Variants in PRDM5 observed in about 807,000 individuals in gnomAD.
PRDM5 encodes the protein PR/SET domain 5, also known as PR domain zinc finger protein 5.
In PRDM5, 56 loss-of-function variants were observed where a neutral mutation model predicts 81.2. That is an observed-to-expected ratio of 0.69 (90% CI 0.56 to 0.86). PRDM5 has a LOEUF of 0.86. Among genes scored for constraint, PRDM5 ranks in the 40% least tolerant of loss-of-function variants. The pLI, the probability that PRDM5 is intolerant of heterozygous loss-of-function variation, is 0.00. For missense variants in PRDM5, 697 were observed against 770.1 expected (o/e 0.91, Z 1.12); for synonymous variants, 267 against 256.4 (o/e 1.04, Z -0.39).
chr4:120,859,904 CATGGGTGCACACAAACTTGT>C (rs1760373133), intron 2 of PRDM5, among the ~76,000 whole-genome samples: 1 of 152,176 alleles, frequency 6.6e-6, no homozygotes, highest in African/African-American at 2.4e-5. Flanking sequence ...GGGTTATCCT[CATGGGTGCACACAAACTTGT>C]CAAAACCCTC....
chr4:120,717,175 G>A (rs1305262804), intron 14 of PRDM5, among the ~76,000 whole-genome samples: 1 of 152,042 alleles, frequency 6.6e-6, no homozygotes, highest in African/African-American at 2.4e-5. Flanking sequence ...GAATGATTAG[G>A]TTCTTGATTA....
chr4:120,811,496 G>T, intron 7 of PRDM5, 47 bp from the exon 8 acceptor site: 1 of 1,233,198 alleles, frequency 8.1e-7, no homozygotes, highest in East Asian at 2.4e-5. Flanking sequence ...AGACTATTAA[G>T]AGGAAAAACA....
At chr4:120,691,690 A>G (rs1734061370), downstream of PRDM5, among the ~76,000 whole-genome samples, 1 of 152,086 alleles carries the variant, frequency 6.6e-6, no homozygotes, top group Non-Finnish European at 1.5e-5. Flanking sequence ...GAAGAGAGGC[A>G]AGGAAAATAT....
intron 2 of PRDM5, among the ~76,000 whole-genome samples, chr4:120,881,178 T>C (rs1474328827): frequency 6.6e-6 from 1 of 152,218 alleles, no homozygotes; most frequent in African/African-American, 2.4e-5. Flanking sequence ...CAATGTGATA[T>C]TGGTGAGAAA....
intron 10 of PRDM5, 26 bp downstream of exon 10, chr4:120,798,241 A>G (rs754444308): frequency 2.1e-6 from 3 of 1,449,170 alleles, no homozygotes; most frequent in Non-Finnish European, 2.8e-6. Context: ...TTCATAAAAA[A>G]TAATAATAAT....
rs376303907 is a variant in PRDM5 at position 120,696,078 on chromosome 4, C to G, written c.1729-803G>C. On this transcript the variant is annotated intron_variant, in intron 15 of 15. Transcript: ENST00000264808. ...ACAAAACAAAACAAAAAATCCTTGC[C>G]CTCTTTCTTTACGGAGGAAAGAAGA... is the stretch of plus-strand genomic sequence containing the variant. Among the ~76,000 whole-genome samples the G allele has an allele frequency of 1.4e-4, 22 of 151,950 alleles. No homozygotes were observed. In the South Asian group the frequency reaches 2.7e-3, roughly 19 times the overall value.
In PRDM5 at chr4:120,798,271, T is replaced by C; in HGVS notation, c.1184A>G (p.Lys395Arg). ...FAHRNVYKNH[K>R]KTHSEERPFQ... ...AATAATATTAATAAGTTTTACCTTC[T>C]TATGATTCTTGTAAACATTTCTGTG... The change falls in exon 10 of 16, where the codon AAG becomes AGG. Residue 395 changes from lysine (K) to arginine (R), a missense_variant. Coordinates refer to ENST00000264808, the MANE Select transcript of PRDM5 (RefSeq NM_018699.4). 1 of 1,586,850 alleles carries C rather than the reference T, an allele frequency of 6.3e-7. No individual in the cohort carries two copies. The highest frequency in any genetic ancestry group is 8.6e-7 in the Non-Finnish European group (1 of 1,165,086).
At chr4:120,805,137 C>T (rs953319694) in intron 8 of PRDM5, among the ~76,000 whole-genome samples, 2 of 152,136 alleles carry the variant, frequency 1.3e-5, no homozygotes, top group African/African-American at 4.8e-5. Flanking sequence ...TACACCCTCC[C>T]AAGACTAAAG....
intron 2 of PRDM5, among the ~76,000 whole-genome samples, chr4:120,899,013 T>C (rs1347672063): frequency 6.6e-6 from 1 of 152,212 alleles, no homozygotes; most frequent in East Asian, 1.9e-4. Context: ...TAATTCTGTA[T>C]GTTCTCATAA....
chr4:120,883,611 T>C (rs905282578), intron 2 of PRDM5, among the ~76,000 whole-genome samples: 6 of 150,302 alleles, frequency 4.0e-5, no homozygotes, highest in Non-Finnish European at 7.4e-5. Flanking sequence ...AGGGATAGCA[T>C]TAGGAGATAT....
chr4:120,800,409 A>T (rs1567553), intron 8 of PRDM5, among the ~76,000 whole-genome samples: 1 of 151,908 alleles, frequency 6.6e-6, no homozygotes, highest in African/African-American at 2.4e-5. Context: ...CCCAGCTACA[A>T]AGGAGGCTGA....
intron 14 of PRDM5, among the ~76,000 whole-genome samples, chr4:120,742,719 A>T (rs1392088234): frequency 2.6e-5 from 4 of 152,176 alleles, no homozygotes; most frequent in African/African-American, 4.8e-5. Flanking sequence ...CGAGAAGGAA[A>T]GTTTAGAGAA....
At position 120,785,070 on chromosome 4, in the gene PRDM5, A is replaced by G; in HGVS notation, c.1210T>C (p.Phe404Leu). The G allele has an allele frequency of 6.2e-7, 1 of 1,611,504 alleles. No individual in the cohort carries two copies. Among genetic ancestry groups the G allele is most frequent in the Non-Finnish European group, 8.5e-7 (1 of 1,177,922 alleles). ...AAAGCTTTACATTCTTCACATTGGAACGGTCTCTCCTCAGAGTGGGTCTGC... is the reference window on the plus strand; with the variant it reads ...AAAGCTTTACATTCTTCACATTGGAGCGGTCTCTCCTCAGAGTGGGTCTGC... ...HKKTHSEERP[F>L]QCEECKALFR... The change falls in exon 11 of 16, where the codon TTC (phenylalanine) becomes CTC (leucine). Residue 404 changes from phenylalanine to leucine, a missense_variant. By Grantham distance (22) the Phe-to-Leu change is conservative. Transcript: ENST00000264808.
At chr4:120,725,313 C>G (rs1280925387) in intron 14 of PRDM5, among the ~76,000 whole-genome samples, 1 of 140,756 alleles carries the variant, frequency 7.1e-6, no homozygotes, top group African/African-American at 2.6e-5. Context: ...GTTCAATCTT[C>G]TTTCACAAAT....
chr4:120,770,006 C>CTATTTATT (rs573883065), intron 13 of PRDM5, among the ~76,000 whole-genome samples: 1 of 137,768 alleles, frequency 7.3e-6, no homozygotes, highest in Non-Finnish European at 1.6e-5. Flanking sequence ...TAAAATATCC[C>CTATTTATT]TATTTATTTA....
intron 3 of PRDM5, among the ~76,000 whole-genome samples, chr4:120,827,135 G>A (rs907798327): frequency 8.5e-5 from 13 of 152,090 alleles, no homozygotes; most frequent in African/African-American, 9.7e-5. Context: ...TTCGGACAAC[G>A]AATGCATTCT....
At chr4:120,695,406 G>A (rs2148985277) in intron 15 of PRDM5, 131 bp from the exon 16 acceptor site, 1 of 998,190 alleles carries the variant, frequency 1.0e-6, no homozygotes, top group Non-Finnish European at 1.5e-6. Context: ...TTGTACCCGA[G>A]TCACCCTTCC....
chr4:120,892,207 T>C lies in PRDM5; in HGVS notation c.177+15267A>G, dbSNP rs116044240. ...ATGATTTTAGGGTTTTTTTTTCTTT[T>C]TTAATTTGCTGAGGATTGTTTTATG... On this transcript the variant is annotated intron_variant, in intron 2 of 15. Coordinates refer to ENST00000264808, the MANE Select transcript of PRDM5 (RefSeq NM_018699.4). Among the ~76,000 whole-genome samples, 437 of 152,298 alleles carry C rather than the reference T, an allele frequency of 2.9e-3. 2 individuals carry two copies. The highest frequency in any genetic ancestry group is 0.01 in the African/African-American group (421 of 41,556).
At chr4:120,807,827 T>G (rs1753206649) in intron 8 of PRDM5, among the ~76,000 whole-genome samples, 2 of 151,478 alleles carry the variant, frequency 1.3e-5, no homozygotes, top group Admixed American at 1.3e-4. Flanking sequence ...TTAAAGGTGG[T>G]GTGTCCGGAG....
Sources: allele counts gnomAD v4.1 joint callset (sites outside exome capture counted in the v4.1 genomes callset), GRCh38; gene constraint gnomAD v4.1.1; transcripts MANE v1.5; gene names NCBI Gene and HGNC (gene_info 2026-07-23, HGNC 2026-07-21).